The following NNMT variants were observed in gnomAD, a reference collection of about 807,000 sequenced individuals.
The protein encoded by NNMT is nicotinamide N-methyltransferase.
NNMT carries 10 observed loss-of-function variants against 11.7 expected under a neutral mutation model. That is an observed-to-expected ratio of 0.85 (90% confidence interval 0.53 to 1.45). NNMT has a LOEUF of 1.45. Among genes scored for constraint, NNMT ranks in the 40% most tolerant of loss-of-function variants. NNMT has a pLI of 0.00. For synonymous variants in NNMT, 143 were observed against 133.8 expected (o/e 1.07, Z -0.48); for missense variants, 381 against 319.4 (o/e 1.19, Z -1.47).
chr11:114,261,531 C>T (rs548987369), intron 1 of NNMT, among the ~76,000 whole-genome samples: 16 of 152,168 alleles, frequency 1.1e-4, no homozygotes, highest in Non-Finnish European at 2.2e-4. Flanking sequence ...TTGCGGTGAG[C>T]CGAGATGGCG....
chr11:114,267,366 T>C (rs1008417468), intron 2 of NNMT, among the ~76,000 whole-genome samples: 2 of 152,224 alleles, frequency 1.3e-5, no homozygotes, highest in African/African-American at 4.8e-5. Flanking sequence ...TCATGGTTCA[T>C]GTCCTAGTCT....
chr11:114,272,493 G>T (rs1052741999), intron 2 of NNMT, among the ~76,000 whole-genome samples: 2 of 152,216 alleles, frequency 1.3e-5, no homozygotes, highest in Admixed American at 6.5e-5. Context: ...GTGTGGAACT[G>T]CCCTAAGGGA....
intron 2 of NNMT, chr11:114,269,629 C>T (rs1653110959): frequency 6.6e-6 from 1 of 152,194 alleles, no homozygotes. Flanking sequence ...ATCAGAGGCT[C>T]ATCCACTTTT....
chr11:114,281,427 G>A (rs1466836598), intron 2 of NNMT, among the ~76,000 whole-genome samples: 2 of 152,088 alleles, frequency 1.3e-5, no homozygotes, highest in Non-Finnish European at 2.9e-5. Context: ...GTATAGAGGA[G>A]GTCCATTAAC....
At chr11:114,274,085 CTG>C (rs1945194399) in intron 2 of NNMT, among the ~76,000 whole-genome samples, 1 of 152,188 alleles carries the variant, frequency 6.6e-6, no homozygotes, top group Admixed American at 6.5e-5. Flanking sequence ...GTGCTGGGGA[CTG>C]TGCTCAGTCA....
chr11:114,312,343 G>A lies in NNMT; in HGVS notation c.661G>A (p.Val221Ile). 6.2e-7 allele frequency: 1 copy of A among 1,614,252 alleles called. No homozygotes were observed. The highest frequency in any genetic ancestry group is 2.2e-5 in the East Asian group (1 of 44,894). ...CAGCCTCCCCCTGGGCCGGGAGGCA[G>A]TAGAGGCTGCTGTGAAAGAGGCTGG... The part of the protein sequence containing the change: ...FSSLPLGREA[V>I]EAAVKEAGYT... Residue 221 changes from valine to isoleucine, a missense_variant, in exon 3 of 3, where the codon GTA (valine) becomes ATA (isoleucine). Physicochemically the swap from Val to Ile is conservative, Grantham distance 29. Transcript: ENST00000299964.
chr11:114,261,226 A>C (rs1038601783), intron 1 of NNMT, among the ~76,000 whole-genome samples: 1 of 152,152 alleles, frequency 6.6e-6, no homozygotes, highest in African/African-American at 2.4e-5. Flanking sequence ...GTGGGCACTG[A>C]CTGCAGGTGC....
upstream of NNMT, among the ~76,000 whole-genome samples, chr11:114,293,104 A>T (rs1296753358): frequency 1.3e-5 from 2 of 152,168 alleles, no homozygotes; most frequent in Non-Finnish European, 2.9e-5. Flanking sequence ...ACATCTTTGG[A>T]CTTTCTGGAT....
At chr11:114,269,076 C>A (rs570271752) in intron 2 of NNMT, among the ~76,000 whole-genome samples, 1 of 152,044 alleles carries the variant, frequency 6.6e-6, no homozygotes, top group Non-Finnish European at 1.5e-5. Flanking sequence ...AAAGCTGAGG[C>A]AAAACGAGAC....
chr11:114,277,411 A>G (rs1040374778), intron 2 of NNMT, among the ~76,000 whole-genome samples: 1 of 152,312 alleles, frequency 6.6e-6, no homozygotes, highest in African/African-American at 2.4e-5. Context: ...GAGTGGTTCT[A>G]AAGAGAGCTG....
At chr11:114,282,771 A>T (rs968025271) in intron 2 of NNMT, among the ~76,000 whole-genome samples, 2 of 152,144 alleles carry the variant, frequency 1.3e-5, no homozygotes, top group Non-Finnish European at 2.9e-5. Flanking sequence ...CAATGGAAGA[A>T]GTCTGAGTGC....
Position 114,285,506 on chromosome 11 carries a change from C to T in NNMT, c.-129-10922C>T, listed in dbSNP as rs11214932. ...CTCATATTAATCAGCTCTGGACTCACCATATGCATCCACTAAAATCTAGAG... is the reference window on the plus strand; with the variant it reads ...CTCATATTAATCAGCTCTGGACTCATCATATGCATCCACTAAAATCTAGAG... On this transcript the variant is annotated intron_variant, in intron 2 of 4. Transcript: ENST00000535401. Among the ~76,000 whole-genome samples, 373 of 152,338 alleles carry T rather than the reference C, an allele frequency of 2.4e-3. 2 individuals carry two copies. The highest frequency in any genetic ancestry group is 8.5e-3 in the African/African-American group (354 of 41,580).
intron 2 of NNMT, among the ~76,000 whole-genome samples, chr11:114,276,209 G>C (rs942988945): frequency 6.8e-6 from 1 of 147,350 alleles, no homozygotes; most frequent in Non-Finnish European, 1.5e-5. Context: ...TTTGAGACCA[G>C]TGTCTACATG....
chr11:114,266,140 A>G (rs1014328796), intron 2 of NNMT, among the ~76,000 whole-genome samples: 9 of 152,160 alleles, frequency 5.9e-5, no homozygotes, highest in African/African-American at 2.2e-4. Context: ...ATTGTCAGTT[A>G]TTACCTGAAC....
At chr11:114,276,740 C>A (rs969076472) in intron 2 of NNMT, among the ~76,000 whole-genome samples, 10 of 152,226 alleles carry the variant, frequency 6.6e-5, no homozygotes, top group Non-Finnish European at 1.3e-4. Flanking sequence ...TGTCACCACA[C>A]AACTTCTGAG....
upstream of NNMT, chr11:114,296,009 A>G (rs965717974): frequency 1.2e-4 from 19 of 152,434 alleles, no homozygotes; most frequent in African/African-American, 4.3e-4. Context: ...TCTTCAGCCA[A>G]CATTCCTTAG....
intron 2 of NNMT, 143 bp downstream of exon 2, chr11:114,298,301 G>C: frequency 1.5e-6 from 1 of 672,906 alleles, no homozygotes. Context: ...AGATGAGATA[G>C]GCCCATGTGT....
intron 2 of NNMT, among the ~76,000 whole-genome samples, chr11:114,265,743 G>A (rs773480379): frequency 3.2e-4 from 49 of 152,166 alleles, no homozygotes; most frequent in Non-Finnish European, 6.0e-4. Context: ...TCCGAAAATA[G>A]CCTTTGGCTG....
chr11:114,312,008 G>C (rs1945553213), intron 2 of NNMT, 37 bp from the exon 3 acceptor site: 3 of 1,525,764 alleles, frequency 2.0e-6, no homozygotes, highest in Non-Finnish European at 2.6e-6. Context: ...CCCATGACTG[G>C]AGTGGAAAAC....
Sources: allele counts gnomAD v4.1 joint callset (sites outside exome capture counted in the v4.1 genomes callset), GRCh38; gene constraint gnomAD v4.1.1; transcripts MANE v1.5; gene names NCBI Gene and HGNC (gene_info 2026-07-23, HGNC 2026-07-21).